MRPS18B: variants seen among roughly 807,000 people sequenced by gnomAD.
MRPS18B encodes the protein small ribosomal subunit protein mS40.
In MRPS18B, 27 loss-of-function variants were observed where a neutral mutation model predicts 28.4. The ratio of observed to expected loss-of-function variants is 0.95; its 90% confidence interval spans 0.70 to 1.31. MRPS18B has a LOEUF of 1.31. MRPS18B is among the 40% of genes most tolerant of loss of function. The pLI is 0.00. For missense variants in MRPS18B, 343 were observed against 335.9 expected (o/e 1.02, Z -0.17); for synonymous variants, 118 against 123.7 (o/e 0.95, Z 0.30).
Position 30,625,679 on chromosome 6 carries a change from A to G in MRPS18B, c.659A>G (p.Tyr220Cys), listed in dbSNP as rs1263277617. 6.2e-7 allele frequency: 1 copy of G among 1,612,926 alleles called. No individual in the cohort carries two copies. The highest frequency in any genetic ancestry group is 8.5e-7 in the Non-Finnish European group (1 of 1,180,016). Residue 220 changes from tyrosine to cysteine, a missense_variant, in exon 7 of 7, where the codon TAC (tyrosine) becomes TGC (cysteine). By Grantham distance (194) the Tyr-to-Cys change is radical (BLOSUM62 -2). Coordinates refer to ENST00000259873, the MANE Select transcript of MRPS18B (RefSeq NM_014046.4). ...GAACTGTCTCGCCTTCGCCGGCTTT[A>G]CCAGGGTCATCTCCAAGAAGAGAGT... ...ERELSRLRRL[Y>C]QGHLQEESGP... is the part of the protein sequence containing the mutation.
At chr6:30,622,746 T>C in intron 4 of MRPS18B, 86 bp from the exon 5 acceptor site, 1 of 1,280,436 alleles carries the variant, frequency 7.8e-7, no homozygotes, top group South Asian at 1.2e-5. Context: ...TGTGGGTGTG[T>C]AGGGATTGTG....
intron 5 of MRPS18B, among the ~76,000 whole-genome samples, chr6:30,623,403 A>G (rs1761293019): frequency 6.6e-6 from 1 of 152,188 alleles, no homozygotes; most frequent in African/African-American, 2.4e-5. Context: ...GTAGTTTTTA[A>G]TTGATAAACA....
At chr6:30,622,772 A>G in intron 4 of MRPS18B, 60 bp from the exon 5 acceptor site, 2 of 1,540,014 alleles carry the variant, frequency 1.3e-6, no homozygotes, top group Admixed American at 1.7e-5. Context: ...TCGATGTCCA[A>G]AGATCCTGCT....
At chr6:30,622,936 C>T in intron 5 of MRPS18B, 38 bp downstream of exon 5, 1 of 1,594,752 alleles carries the variant, frequency 6.3e-7, no homozygotes, top group Admixed American at 1.7e-5. Flanking sequence ...AGAGCTTTTC[C>T]TTGTGGCATG....
At chr6:30,621,110 A>C (rs1341118239) in intron 4 of MRPS18B, among the ~76,000 whole-genome samples, 1 of 152,226 alleles carries the variant, frequency 6.6e-6, no homozygotes, top group Non-Finnish European at 1.5e-5. Context: ...AAAGAATTTG[A>C]AAACATATTG....
chr6:30,622,860 G>C lies in MRPS18B; in HGVS notation c.383G>C (p.Cys128Ser), dbSNP rs756257271. 1.9e-6 allele frequency: 3 copies of C among 1,612,920 alleles called. No homozygotes were observed. Among genetic ancestry groups the C allele is most frequent in the East Asian group, 4.5e-5 (2 of 44,892 alleles). Reference sequence around the variant, plus strand: ...GTGAAGCTCTTGGAGCAATTTGTCTGCGCCCACACGGGTATCATCTTCTAT... The same window carrying C: ...GTGAAGCTCTTGGAGCAATTTGTCTCCGCCCACACGGGTATCATCTTCTAT... ...RNVKLLEQFV[C>S]AHTGIIFYAP... Residue 128 changes from cysteine to serine, a missense_variant, in exon 5 of 7, where the codon TGC becomes TCC. By Grantham distance (112) the Cys-to-Ser change is moderately radical (BLOSUM62 -1). Coordinates refer to ENST00000259873, the MANE Select transcript of MRPS18B (RefSeq NM_014046.4).
At chr6:30,623,211 C>G (rs1051475668) in intron 5 of MRPS18B, among the ~76,000 whole-genome samples, 3 of 151,944 alleles carry the variant, frequency 2.0e-5, no homozygotes, top group African/African-American at 7.2e-5. Flanking sequence ...GTGATGCATG[C>G]CTGTAATCCC....
At chr6:30,618,226 G>A (rs760104627) in intron 1 of MRPS18B, among the ~76,000 whole-genome samples, 1 of 152,022 alleles carries the variant, frequency 6.6e-6, no homozygotes, top group Non-Finnish European at 1.5e-5. Flanking sequence ...TGCATAACCA[G>A]CTTTTTAAAA....
intron 5 of MRPS18B, among the ~76,000 whole-genome samples, chr6:30,623,134 C>T (rs1219704366): frequency 1.3e-5 from 2 of 152,004 alleles, no homozygotes; most frequent in East Asian, 1.9e-4. Flanking sequence ...TTTGGGAGGC[C>T]GAGGCGGCTG....
In MRPS18B at chr6:30,625,829, G is replaced by T. The variant is rs377043280; in HGVS notation, c.*32G>T. On this transcript the variant is annotated 3_prime_UTR_variant, in exon 7 of 7. Transcript: ENST00000259873. The stretch of plus-strand genomic sequence containing the variant: ...TAGACTGGGAAGAGAGGCCAGGCGT[G>T]GTGGCTCACTCCTGTAATCCCAGCA... 5.7e-6 allele frequency: 9 copies of T among 1,576,018 alleles called. No individual in the cohort carries two copies. The highest frequency in any genetic ancestry group is 7.8e-6 in the Non-Finnish European group (9 of 1,155,006).
At chr6:30,620,550 A>G (rs1761091929) in intron 4 of MRPS18B, among the ~76,000 whole-genome samples, 1 of 151,930 alleles carries the variant, frequency 6.6e-6, no homozygotes, top group African/African-American at 2.4e-5. Flanking sequence ...TTTACAGTCT[A>G]AATTGGCAGG....
intron 5 of MRPS18B, among the ~76,000 whole-genome samples, chr6:30,623,166 C>G (rs548324575): frequency 6.6e-5 from 10 of 152,102 alleles, no homozygotes; most frequent in African/African-American, 1.7e-4. Context: ...GTTGGGAGTT[C>G]GAGACCAGCC....
chr6:30,620,942 A>G (rs1242726175), intron 4 of MRPS18B, among the ~76,000 whole-genome samples: 1 of 152,202 alleles, frequency 6.6e-6, no homozygotes, highest in Non-Finnish European at 1.5e-5. Flanking sequence ...ATTACCAAAT[A>G]TATTGGCCCA....
At position 30,625,538 on chromosome 6, in the gene MRPS18B, G is replaced by T. The variant is rs775494184; in HGVS notation, c.518G>T (p.Arg173Leu). Residue 173 changes from arginine (R) to leucine (L), a missense_variant, in exon 7 of 7, where the codon CGG becomes CTG. Coordinates refer to ENST00000259873, the MANE Select transcript of MRPS18B (RefSeq NM_014046.4). ...LIYHIPQVEP[R>L]DLDFSTSHGA... ...TACCACATCCCCCAGGTTGAACCAC[G>T]GGACCTTGACTTCAGTACCTCTCAT... 1 of 1,581,594 alleles carries T rather than the reference G, an allele frequency of 6.3e-7. No homozygotes were observed. The highest frequency in any genetic ancestry group is 8.6e-7 in the Non-Finnish European group (1 of 1,156,728).
chr6:30,619,861 A>G, intron 3 of MRPS18B, 55 bp downstream of exon 3: 5 of 1,609,756 alleles, frequency 3.1e-6, no homozygotes, highest in Non-Finnish European at 4.3e-6. Context: ...TAACAGTAAC[A>G]GCAGCACTTT....
chr6:30,626,091 T>G lies in MRPS18B; in HGVS notation c.*294T>G. On this transcript the variant is annotated 3_prime_UTR_variant, in exon 7 of 7. Transcript: ENST00000259873. ...TCCAGCCTGGGTGACAGCTAGACCCTGTCTCAAAAAAAAAAAAAAAGACTG... is the reference window on the plus strand; with the variant it reads ...TCCAGCCTGGGTGACAGCTAGACCCGGTCTCAAAAAAAAAAAAAAAGACTG... 13 of 323,446 alleles carry G rather than the reference T, an allele frequency of 4.0e-5. No individual in the cohort carries two copies. The highest frequency in any genetic ancestry group is 2.0e-4 in the East Asian group (4 of 20,050). The allele number at this position is 323,446 out of a possible 1,614,324, so 20.0% of individuals were successfully genotyped here. A position where few individuals can be genotyped will look rare whatever the true frequency, so the allele number is the denominator to read the frequency against.
rs1761416715 is a variant in MRPS18B at position 30,625,045 on chromosome 6, C to A, written c.481+103C>A. The A allele has an allele frequency of 8.8e-6, 11 of 1,256,740 alleles. No individual in the cohort carries two copies. The South Asian group carries it at 1.2e-4, about 13-fold the overall frequency. The allele number at this position is 1,256,740 out of a possible 1,614,324, so 77.8% of individuals were successfully genotyped here. On this transcript the variant is annotated intron_variant, in intron 6 of 6. Coordinates refer to ENST00000259873, the MANE Select transcript of MRPS18B (RefSeq NM_014046.4). Reference sequence around the variant, plus strand: ...TGCTCACACCTGTTCAAGATGGTAGCACCCAGCATGTTCTTCCTGACGTTA... The same window carrying A: ...TGCTCACACCTGTTCAAGATGGTAGAACCCAGCATGTTCTTCCTGACGTTA...
At chr6:30,619,672 C>T (rs1561867827) in intron 2 of MRPS18B, 37 bp from the exon 3 acceptor site, 2 of 1,610,636 alleles carry the variant, frequency 1.2e-6, no homozygotes, top group East Asian at 2.2e-5. Flanking sequence ...CCACTACACT[C>T]CCACCCAGGA....
Position 30,625,661 on chromosome 6 carries a change from C to T in MRPS18B, c.641C>T (p.Ser214Phe), listed in dbSNP as rs1163033508. Reference protein sequence around the residue: ...NWKQPPERELSRLRRLYQGHL... With the variant: ...NWKQPPERELFRLRRLYQGHL... The stretch of plus-strand genomic sequence containing the variant: ...AAACAGCCACCGGAGAGAGAACTGT[C>T]TCGCCTTCGCCGGCTTTACCAGGGT... The change falls in exon 7 of 7, where the codon TCT (serine) becomes TTT (phenylalanine). Residue 214 changes from serine to phenylalanine, a missense_variant. Physicochemically the swap from Ser to Phe is radical, Grantham distance 155. Coordinates refer to ENST00000259873, the MANE Select transcript of MRPS18B (RefSeq NM_014046.4). 1 of 1,612,918 alleles carries T rather than the reference C, an allele frequency of 6.2e-7. No individual in the cohort carries two copies. Among genetic ancestry groups the T allele is most frequent in the Non-Finnish European group, 8.5e-7 (1 of 1,180,034 alleles).
Sources: allele counts gnomAD v4.1 joint callset (sites outside exome capture counted in the v4.1 genomes callset), GRCh38; gene constraint gnomAD v4.1.1; transcripts MANE v1.5; gene names NCBI Gene and HGNC (gene_info 2026-07-23, HGNC 2026-07-21).